The following NLRP14 variants were observed in gnomAD, a reference collection of about 807,000 sequenced individuals.
The protein encoded by NLRP14 is NLR family pyrin domain containing 14.
In NLRP14, 105 loss-of-function variants were observed where a neutral mutation model predicts 94.7. The observed-to-expected ratio is 1.11, with a 90% CI of 0.95 to 1.30. The LOEUF is 1.30. Among genes scored for constraint, NLRP14 ranks in the 50% most tolerant of loss-of-function variants. The pLI, the probability that NLRP14 is intolerant of heterozygous loss-of-function variation, is 0.00. For synonymous variants in NLRP14, 508 were observed against 459.9 expected, an observed-to-expected ratio of 1.10 and a Z score of -1.34; for missense variants, 1,362 against 1,254.1, an observed-to-expected ratio of 1.09 and a Z score of -1.30.
chr11:7,057,960 A>G (rs1411981847), intron 7 of NLRP14, 113 bp downstream of exon 7: 5 of 852,024 alleles, frequency 5.9e-6, no homozygotes, highest in Non-Finnish European at 1.0e-5. Flanking sequence ...CTCGTTTGTC[A>G]ATTCTGAATA....
At chr11:7,039,069 C>A (rs1852207065) in intron 2 of NLRP14, among the ~76,000 whole-genome samples, 194 bp downstream of exon 2, 2 of 152,276 alleles carry the variant, frequency 1.3e-5, no homozygotes, top group South Asian at 4.1e-4. Flanking sequence ...AGTACTGTTA[C>A]TCAGCCTAGC....
At position 7,060,098 on chromosome 11, in the gene NLRP14, T is replaced by G. The variant is rs781016098; in HGVS notation, c.2804+34T>G. ...TCTGTTGCTTTACTTTTGTGTAGTT[T>G]CAACAACAGAGTGTCTGGGGAGATA... On this transcript the variant is annotated intron_variant, in intron 9 of 11. Coordinates refer to ENST00000299481, the MANE Select transcript of NLRP14 (RefSeq NM_176822.4). 5 of 1,574,212 alleles carry G rather than the reference T, an allele frequency of 3.2e-6. No homozygotes were observed. In the South Asian group the frequency reaches 4.4e-5, roughly 14 times the overall value.
the NLRP14 span, among the ~76,000 whole-genome samples, chr11:7,077,413 A>C: frequency 6.6e-6 from 1 of 152,264 alleles, no homozygotes; most frequent in Non-Finnish European, 1.5e-5. Context: ...CAATCTCTGA[A>C]GCCACTCTCC....
At chr11:7,040,370 A>G (rs1388694357) in intron 3 of NLRP14, among the ~76,000 whole-genome samples, 1 of 152,236 alleles carries the variant, frequency 6.6e-6, no homozygotes, top group Non-Finnish European at 1.5e-5. Context: ...TAGGAGCACG[A>G]ACCCTATTGT....
intron 10 of NLRP14, among the ~76,000 whole-genome samples, chr11:7,064,533 C>T (rs1565026322): frequency 6.6e-6 from 1 of 151,996 alleles, no homozygotes. Context: ...GCTGCTCTTC[C>T]CCTACACCAA....
At chr11:7,032,961 C>T (rs1271950509) in intron 1 of NLRP14, among the ~76,000 whole-genome samples, 1 of 151,878 alleles carries the variant, frequency 6.6e-6, no homozygotes, top group Non-Finnish European at 1.5e-5. Flanking sequence ...AGGCCCCCTT[C>T]ATCCCCCTCC....
the NLRP14 span, among the ~76,000 whole-genome samples, chr11:7,079,307 A>G: frequency 2.3e-3 from 351 of 152,294 alleles, no homozygotes; most frequent in African/African-American, 8.2e-3. Context: ...CTCTGTAGAG[A>G]ATGCCCCCTC....
intron 4 of NLRP14, 101 bp from the exon 5 acceptor site, chr11:7,046,556 GCTCTTGCCTTT>G: frequency 2.0e-6 from 2 of 978,568 alleles, no homozygotes; most frequent in Admixed American, 3.4e-5. Context: ...TGCACTGGAT[GCTCTTGCCTTT>G]CCAAAGTACA....
intron 4 of NLRP14, among the ~76,000 whole-genome samples, chr11:7,045,895 A>G (rs182527297): frequency 6.3e-4 from 96 of 152,216 alleles, no homozygotes; most frequent in African/African-American, 2.3e-3. Context: ...TCATTTATCA[A>G]GATCATGAAG....
At chr11:7,039,606 T>C in intron 2 of NLRP14, 108 bp from the exon 3 acceptor site, 5 of 887,930 alleles carry the variant, frequency 5.6e-6, no homozygotes, top group Non-Finnish European at 7.7e-6. Flanking sequence ...TAAACCCAGA[T>C]AGTCATAGAA....
rs1443955464 is a variant in NLRP14, at chr11:7,046,831, C to T, written c.2122C>T (p.Leu708=). ...RHPNCKLQKL[L]LKFITFPDGC... is the part of the protein sequence containing the mutation. ...CCCAAACTGTAAACTACAAAAGCTACTGTAAGTCTGGTATGAGAAAATTTA... is the reference window on the plus strand; with the variant it reads ...CCCAAACTGTAAACTACAAAAGCTATTGTAAGTCTGGTATGAGAAAATTTA... Residue 708 remains leucine (L), a splice_region_variant and synonymous_variant, in exon 5 of 12, where the codon CTG becomes TTG. Coordinates refer to ENST00000299481, the MANE Select transcript of NLRP14 (RefSeq NM_176822.4). The T allele has an allele frequency of 6.2e-7, 1 of 1,609,628 alleles. No individual in the cohort carries two copies. The highest frequency in any genetic ancestry group is 8.5e-7 in the Non-Finnish European group (1 of 1,176,166).
In NLRP14 at chr11:7,071,424, G is replaced by A; in HGVS notation, c.*116G>A. ...CTCTATGCCCAGAGATAGTGCACTT[G>A]GCAGCTGTCAGATACCATTCATCTA... is the stretch of plus-strand genomic sequence containing the variant. On this transcript the variant is annotated 3_prime_UTR_variant, in exon 12 of 12. Coordinates refer to ENST00000299481, the MANE Select transcript of NLRP14 (RefSeq NM_176822.4). The A allele has an allele frequency of 1.3e-6, 1 of 791,714 alleles. No homozygotes were observed. Among genetic ancestry groups the A allele is most frequent in the South Asian group, 1.5e-5 (1 of 65,502 alleles). The allele number at this position is 791,714 out of a possible 1,614,324, so 49.0% of individuals were successfully genotyped here.
chr11:7,089,822 G>A, the NLRP14 span: 5 of 1,608,472 alleles, frequency 3.1e-6, no homozygotes, highest in African/African-American at 1.3e-5. Flanking sequence ...TTGCCCCCTC[G>A]CCCGGAGAGT....
At chr11:7,044,483 G>A (rs1320415278) in intron 4 of NLRP14, among the ~76,000 whole-genome samples, 1 of 152,158 alleles carries the variant, frequency 6.6e-6, no homozygotes, top group African/African-American at 2.4e-5. Context: ...CCCAGACATT[G>A]GTTGGCCTTT....
intron 5 of NLRP14, 116 bp from the exon 6 acceptor site, chr11:7,049,555 A>G: frequency 1.3e-6 from 1 of 792,918 alleles, no homozygotes; most frequent in Non-Finnish European, 2.1e-6. Flanking sequence ...TTTTAGATGA[A>G]AATAAGATAA....
In NLRP14 at chr11:7,043,132, C is replaced by T. The variant is rs755444412; in HGVS notation, c.1106C>T (p.Pro369Leu). ...NEMLFSMCQV[P>L]LVCWAACTCL... Reference sequence around the variant, plus strand: ...ATGCTGTTTAGCATGTGCCAAGTCCCCCTAGTGTGCTGGGCCGCTTGTACT... The same window carrying T: ...ATGCTGTTTAGCATGTGCCAAGTCCTCCTAGTGTGCTGGGCCGCTTGTACT... Residue 369 changes from proline (P) to leucine (L), a missense_variant, in exon 4 of 12, where the codon CCC becomes CTC. Physicochemically the swap from Pro to Leu is moderately conservative, Grantham distance 98 (BLOSUM62 -3). Transcript: ENST00000299481. 1.2e-6 allele frequency: 2 copies of T among 1,614,100 alleles called. No individual in the cohort carries two copies. Among genetic ancestry groups the T allele is most frequent in the Middle Eastern group, 1.6e-4 (1 of 6,062 alleles).
chr11:7,069,461 G>T (rs959308157), intron 10 of NLRP14, among the ~76,000 whole-genome samples: 1 of 152,196 alleles, frequency 6.6e-6, no homozygotes, highest in African/African-American at 2.4e-5. Flanking sequence ...GGCTTGTGCA[G>T]AGGCCCTTGG....
intron 11 of NLRP14, 28 bp from the exon 12 acceptor site, chr11:7,071,145 G>A (rs987428953): frequency 1.2e-6 from 2 of 1,613,624 alleles, no homozygotes; most frequent in African/African-American, 1.3e-5. Context: ...TTGAATGCAG[G>A]AAAAGAGATG....
intron 1 of NLRP14, among the ~76,000 whole-genome samples, chr11:7,028,157 C>A (rs1322991029): frequency 6.6e-6 from 1 of 152,176 alleles, no homozygotes; most frequent in Non-Finnish European, 1.5e-5. Context: ...CAAACTCCTT[C>A]CTTGTCAATT....
Sources: allele counts gnomAD v4.1 joint callset (sites outside exome capture counted in the v4.1 genomes callset), GRCh38; gene constraint gnomAD v4.1.1; transcripts MANE v1.5; gene names NCBI Gene and HGNC (gene_info 2026-07-23, HGNC 2026-07-21).